Variants in IL1RAPL2 observed in about 807,000 individuals in gnomAD.
The protein encoded by IL1RAPL2 is interleukin 1 receptor accessory protein like 2.
A neutral mutation model predicts 44.1 loss-of-function variants in IL1RAPL2; 3 were observed. That is an observed-to-expected ratio of 0.07 (90% CI 0.03 to 0.18). The LOEUF (loss-of-function observed/expected upper bound fraction) is 0.18, where lower values mean the gene tolerates loss of function less well. IL1RAPL2 is among the 10% of genes least tolerant of loss of function. The probability of loss-of-function intolerance (pLI) is 1.00; values close to 1 mark genes in which losing one functional copy is unlikely to be tolerated. For missense variants in IL1RAPL2, 391 were observed against 496.4 expected (o/e 0.79, Z 2.02); for synonymous variants, 181 against 178.8 (o/e 1.01, Z -0.10).
intron 5 of IL1RAPL2, among the ~76,000 whole-genome samples, chrX:105,455,723 G>T (rs975893785): frequency 6.2e-5 from 7 of 112,027 alleles, no homozygotes. Context: ...GGTTGCTGTA[G>T]CTCTGTAGTA....
intron 6 of IL1RAPL2, among the ~76,000 whole-genome samples, chrX:105,491,801 A>G (rs902861156): frequency 2.7e-5 from 3 of 112,201 alleles, no homozygotes; most frequent in Admixed American, 1.9e-4. Context: ...GTATTGAGTG[A>G]GACTGAAACT....
chrX:105,355,802 C>T (rs1442049853), intron 5 of IL1RAPL2, among the ~76,000 whole-genome samples: 4 of 111,592 alleles, frequency 3.6e-5, no homozygotes, highest in Non-Finnish European at 7.5e-5. Context: ...GCACCACACA[C>T]ATAGGCTGCT....
At chrX:105,000,369 G>T (rs1033286919) in intron 2 of IL1RAPL2, among the ~76,000 whole-genome samples, 2 of 111,119 alleles carry the variant, frequency 1.8e-5, no homozygotes, top group African/African-American at 6.5e-5. Flanking sequence ...TTGGGGATTT[G>T]GGACAGTATA....
intron 2 of IL1RAPL2, among the ~76,000 whole-genome samples, chrX:104,665,999 T>C (rs759269671): frequency 1.0e-3 from 114 of 111,641 alleles, no homozygotes; most frequent in African/African-American, 3.5e-3. Flanking sequence ...TGTGCCAATT[T>C]TGCCAATCTA....
At chrX:104,998,571 C>T (rs1047580497) in intron 2 of IL1RAPL2, among the ~76,000 whole-genome samples, 36 of 109,957 alleles carry the variant, frequency 3.3e-4, no homozygotes, top group African/African-American at 1.0e-3. Context: ...CCCAGGACTT[C>T]GAGACCATCC....
intron 2 of IL1RAPL2, among the ~76,000 whole-genome samples, chrX:105,043,071 A>C (rs865921786): frequency 3.1e-5 from 2 of 63,778 alleles, no homozygotes; most frequent in Non-Finnish European, 5.4e-5. Context: ...CACTCTGGGG[A>C]CTGTTGTGGG....
intron 5 of IL1RAPL2, among the ~76,000 whole-genome samples, chrX:105,402,945 A>G (rs950865811): frequency 4.5e-5 from 5 of 111,906 alleles, no homozygotes; most frequent in African/African-American, 1.6e-4. Context: ...TCTTTCTCTT[A>G]TTACCTGTTC....
chrX:105,268,733 A>G (rs965324331), intron 5 of IL1RAPL2, among the ~76,000 whole-genome samples: 4 of 111,256 alleles, frequency 3.6e-5, no homozygotes, highest in Non-Finnish European at 7.5e-5. Flanking sequence ...ACGCCACTTC[A>G]CTCCAGCCTA....
Position 105,749,041 on chromosome X carries a change from G to A in IL1RAPL2, c.1130G>A (p.Cys377Tyr). ...GTACTGCTGGTGGTCATTTACAAATGCTACAACATTGAATTGATGCTCTTC... is the reference window on the plus strand; with the variant it reads ...GTACTGCTGGTGGTCATTTACAAATACTACAACATTGAATTGATGCTCTTC... ...LLVLLVVIYKCYNIELMLFYR... is the reference protein window; with the variant it reads ...LLVLLVVIYKYYNIELMLFYR... Residue 377 changes from cysteine to tyrosine, a missense_variant, in exon 9 of 11, where the codon TGC becomes TAC. By Grantham distance (194) the Cys-to-Tyr change is radical. Coordinates refer to ENST00000372582, the MANE Select transcript of IL1RAPL2 (RefSeq NM_017416.2). 1 of 1,209,508 alleles carries A rather than the reference G, an allele frequency of 8.3e-7. No homozygotes were observed. Among genetic ancestry groups the A allele is most frequent in the Non-Finnish European group, 1.1e-6 (1 of 893,748 alleles).
At chrX:105,256,415 G>A (rs189297377) in intron 4 of IL1RAPL2, among the ~76,000 whole-genome samples, 11 of 107,094 alleles carry the variant, frequency 1.0e-4, no homozygotes, top group Admixed American at 5.0e-4. Context: ...TTCAACCTCC[G>A]CCTCCTGGAT....
intron 7 of IL1RAPL2, among the ~76,000 whole-genome samples, chrX:105,726,936 G>C (rs2038357124): frequency 9.0e-6 from 1 of 111,055 alleles, no homozygotes; most frequent in Admixed American, 9.6e-5. Context: ...ATCTGATTTT[G>C]TCAGACTCTG....
chrX:105,032,732 T>C (rs989932982), intron 2 of IL1RAPL2, among the ~76,000 whole-genome samples: 4 of 111,457 alleles, frequency 3.6e-5, no homozygotes. Context: ...TCTGTAGATA[T>C]CTATTAGGTT....
At chrX:104,602,694 C>T (rs1478364217) in intron 1 of IL1RAPL2, among the ~76,000 whole-genome samples, 1 of 111,263 alleles carries the variant, frequency 9.0e-6, no homozygotes, top group Non-Finnish European at 1.9e-5. Context: ...GTATTACGCT[C>T]ACAGTGTAAA....
At chrX:105,070,546 TAGTC>T (rs1304291582) in intron 2 of IL1RAPL2, among the ~76,000 whole-genome samples, 1 of 108,667 alleles carries the variant, frequency 9.2e-6, no homozygotes, top group Admixed American at 9.9e-5. Context: ...ACACAAAAAT[TAGTC>T]AGGCATGGTG....
At chrX:105,443,891 A>G (rs2035937589) in intron 5 of IL1RAPL2, among the ~76,000 whole-genome samples, 1 of 111,457 alleles carries the variant, frequency 9.0e-6, no homozygotes. Context: ...TGGTAATTCT[A>G]TTTTTAGTTT....
Position 104,821,532 on chromosome X carries a change from GAT to G in IL1RAPL2, c.82+162539_82+162540del, listed in dbSNP as rs763038543. Among the ~76,000 whole-genome samples, 25 of 111,619 alleles carry G rather than the reference GAT, an allele frequency of 2.2e-4. 1 individual carries two copies. In the South Asian group the frequency reaches 9.4e-3, roughly 42 times the overall value. ...ATTCCTGTGTTAGTTTGTTGAGAAT[GAT>G]AGTTTCCAGCTTCATCCATGTCTCT... On this transcript the variant is annotated intron_variant, in intron 2 of 10. Transcript: ENST00000372582.
chrX:104,582,186 C>G (rs1218398321), intron 1 of IL1RAPL2, among the ~76,000 whole-genome samples: 1 of 112,106 alleles, frequency 8.9e-6, no homozygotes, highest in African/African-American at 3.2e-5. Context: ...ACAGGCAAGG[C>G]CAAGAGCAGT....
intron 5 of IL1RAPL2, among the ~76,000 whole-genome samples, chrX:105,431,902 C>G (rs2035850198): frequency 9.0e-6 from 1 of 110,696 alleles, no homozygotes; most frequent in African/African-American, 3.3e-5. Context: ...CAAAGGGGGC[C>G]TTGCAAAAGA....
intron 8 of IL1RAPL2, among the ~76,000 whole-genome samples, chrX:105,746,777 T>G (rs1454249401): frequency 9.0e-6 from 1 of 111,576 alleles, no homozygotes; most frequent in Non-Finnish European, 1.9e-5. Context: ...GTAAATAACA[T>G]AGAAATTGCT....
Sources: allele counts gnomAD v4.1 joint callset (sites outside exome capture counted in the v4.1 genomes callset), GRCh38; gene constraint gnomAD v4.1.1; transcripts MANE v1.5; gene names NCBI Gene and HGNC (gene_info 2026-07-23, HGNC 2026-07-21).